Variants in SRGAP1 observed in about 807,000 individuals in gnomAD.
SRGAP1 encodes SLIT-ROBO Rho GTPase-activating protein 1.
Under a neutral mutation model 121.9 loss-of-function variants are expected in SRGAP1, and 43 were observed. The ratio of observed to expected loss-of-function variants is 0.35; its 90% CI spans 0.28 to 0.46. SRGAP1 has a LOEUF of 0.46. SRGAP1 is among the 20% of genes least tolerant of loss of function. The pLI, the probability that SRGAP1 is intolerant of heterozygous loss-of-function variation, is 1.00. For missense variants in SRGAP1, 1,102 were observed against 1,350.9 expected (o/e 0.82, Z 2.89); for synonymous variants, 447 against 485.4 (o/e 0.92, Z 1.04).
chr12:63,890,942 G>A (rs1461338773), intron 1 of SRGAP1, among the ~76,000 whole-genome samples: 1 of 152,152 alleles, frequency 6.6e-6, no homozygotes, highest in African/African-American at 2.4e-5. Flanking sequence ...CACATCTCTG[G>A]TAGCCTTTTC....
At chr12:63,979,241 T>C (rs1407977824) in intron 1 of SRGAP1, among the ~76,000 whole-genome samples, 2 of 152,096 alleles carry the variant, frequency 1.3e-5, no homozygotes, top group South Asian at 4.2e-4. Context: ...GGTTTCACCA[T>C]GTTGTCCAGG....
intron 1 of SRGAP1, among the ~76,000 whole-genome samples, chr12:63,897,336 A>G (rs954868707): frequency 3.9e-5 from 6 of 152,198 alleles, no homozygotes; most frequent in Admixed American, 1.3e-4. Flanking sequence ...TGTGCAGCCA[A>G]ATTTAGGCTT....
chr12:63,874,832 A>T (rs1480722017), intron 1 of SRGAP1, among the ~76,000 whole-genome samples: 5 of 152,138 alleles, frequency 3.3e-5, no homozygotes, highest in Non-Finnish European at 2.9e-5. Flanking sequence ...AAATATTTTT[A>T]AAAACTCACT....
rs117677374 is a variant in SRGAP1 at position 63,923,523 on chromosome 12, C to T, written c.68-60424C>T. ...GTTTGAGATTATAGCTACATCAGTA[C>T]ATAATTAAGATGATATTTAATAGAT... On this transcript the variant is annotated intron_variant, in intron 1 of 21. Transcript: ENST00000355086. Among the ~76,000 whole-genome samples the T allele has an allele frequency of 2.0e-5, 3 of 152,248 alleles. No individual in the cohort carries two copies. In the East Asian group the frequency reaches 5.8e-4, roughly 29 times the overall value.
At position 64,069,028 on chromosome 12, in the gene SRGAP1, G is replaced by GTA. The variant is rs1270753480; in HGVS notation, c.1125+3818_1125+3819dup. Among the ~76,000 whole-genome samples, 20 of 149,092 alleles carry GTA rather than the reference G, an allele frequency of 1.3e-4. No homozygotes were observed. In the South Asian group the frequency reaches 2.8e-3, roughly 21 times the overall value. On this transcript the variant is annotated intron_variant, in intron 8 of 21. Transcript: ENST00000355086. The stretch of plus-strand genomic sequence containing the variant: ...CTGTCTCAAAAAAAAAAAAATGTGT[G>GTA]TATATATATACATATTATAAATATA...
Position 64,148,273 on chromosome 12 carries a change from T to TTTTC in SRGAP1, c.*5605_*5608dup, listed in dbSNP as rs2037082439. ...CTTAGAACTCCCCGTGTATTGGTAT[T>TTTTC]TTTCTTTACTTTTTTTTTTTTTTTT... is the stretch of plus-strand genomic sequence containing the variant. On this transcript the variant is annotated 3_prime_UTR_variant, in exon 22 of 22. Transcript: ENST00000355086. 7.0e-6 allele frequency: 1 copy of TTTTC among 142,834 alleles called. No individual in the cohort carries two copies. The highest frequency in any genetic ancestry group is 1.5e-5 in the Non-Finnish European group (1 of 66,748). 8.8% of individuals were successfully genotyped at this position (142,834 alleles called of 1,614,324 possible). A position where few individuals can be genotyped will look rare whatever the true frequency, so the allele number is the denominator to read the frequency against.
At chr12:64,082,452 CTTT>C (rs371020186) in intron 10 of SRGAP1, among the ~76,000 whole-genome samples, 1 of 139,390 alleles carries the variant, frequency 7.2e-6, no homozygotes. Context: ...CCAGAATTTT[CTTT>C]TTTTTTTTTT....
At chr12:63,884,371 T>A (rs1404443974) in intron 1 of SRGAP1, among the ~76,000 whole-genome samples, 1 of 152,192 alleles carries the variant, frequency 6.6e-6, no homozygotes, top group Non-Finnish European at 1.5e-5. Context: ...CTACATTGTT[T>A]GAGTAGATTT....
intron 1 of SRGAP1, among the ~76,000 whole-genome samples, chr12:63,948,493 C>G (rs114567719): frequency 3.3e-5 from 5 of 152,258 alleles, no homozygotes; most frequent in African/African-American, 1.2e-4. Context: ...ATATCCCATT[C>G]CTACCTTTCT....
At chr12:63,907,365 CAT>C (rs937199869) in intron 1 of SRGAP1, among the ~76,000 whole-genome samples, 9 of 151,940 alleles carry the variant, frequency 5.9e-5, no homozygotes, top group Non-Finnish European at 1.0e-4. Context: ...AGTGAAACCC[CAT>C]CTCTACTAAA....
At chr12:64,107,697 G>A (rs73321324) in intron 15 of SRGAP1, among the ~76,000 whole-genome samples, 1,899 of 152,224 alleles carry the variant, frequency 0.012, 37 homozygotes, top group African/African-American at 0.043. Context: ...GGTGTCAGAG[G>A]CTATGGACTG....
intron 8 of SRGAP1, among the ~76,000 whole-genome samples, chr12:64,074,943 A>T (rs1331384882): frequency 6.6e-6 from 1 of 152,094 alleles, no homozygotes; most frequent in Non-Finnish European, 1.5e-5. Flanking sequence ...TCATTTTCAC[A>T]ATTTTATGAA....
intron 21 of SRGAP1, among the ~76,000 whole-genome samples, chr12:64,140,288 G>T (rs951689029): frequency 6.8e-6 from 1 of 147,306 alleles, no homozygotes; most frequent in Non-Finnish European, 1.5e-5. Context: ...GAAAGTCATT[G>T]GTAGCTTGAT....
chr12:64,022,028 C>G (rs117168828), intron 4 of SRGAP1, among the ~76,000 whole-genome samples: 1 of 152,298 alleles, frequency 6.6e-6, no homozygotes, highest in East Asian at 1.9e-4. Flanking sequence ...ACTGCACTGG[C>G]AGTCAGCAAG....
rs772135884 is a variant in SRGAP1 at position 64,097,310 on chromosome 12, A to G, written c.1748A>G (p.Tyr583Cys). The G allele has an allele frequency of 5.0e-6, 8 of 1,612,012 alleles. No individual in the cohort carries two copies. The highest frequency in any genetic ancestry group is 6.8e-6 in the Non-Finnish European group (8 of 1,179,666). ...INSVAGVLKL[Y>C]FRGLENPLFP... is the part of the protein sequence containing the mutation. ...TCAGTTGCTGGCGTTCTGAAGCTCT[A>G]TTTCCGTGGGCTGGAAAACCCCCTC... The change falls in exon 15 of 22, where the codon TAT becomes TGT. Residue 583 changes from tyrosine to cysteine, a missense_variant. Physicochemically the swap from Tyr to Cys is radical, Grantham distance 194. Around this residue, in one of 3 missense-constraint regions of SRGAP1, gnomAD observed 747 missense variants for 929.4 expected, o/e 0.80. Coordinates refer to ENST00000355086, the MANE Select transcript of SRGAP1 (RefSeq NM_020762.4).
At chr12:64,042,488 AT>A (rs2035045392) in intron 4 of SRGAP1, among the ~76,000 whole-genome samples, 1 of 152,160 alleles carries the variant, frequency 6.6e-6, no homozygotes, top group African/African-American at 2.4e-5. Flanking sequence ...TTTTACAGAA[AT>A]ACTTTTAAGC....
chr12:63,967,968 A>G (rs1592990801), intron 1 of SRGAP1, among the ~76,000 whole-genome samples: 1 of 152,228 alleles, frequency 6.6e-6, no homozygotes, highest in South Asian at 2.1e-4. Flanking sequence ...AAACTGTTCT[A>G]GTATTTTCAA....
rs74694401 is a variant in SRGAP1, at chr12:64,029,176, G to A, written c.489+12164G>A. The stretch of plus-strand genomic sequence containing the variant: ...TTTCCGGGTCGCTGCCAGCAAGTAC[G>A]GAGAGAGGAGCTATGACTTTAAGGT... On this transcript the variant is annotated intron_variant, in intron 4 of 21. Transcript: ENST00000355086. 4.6e-4 allele frequency among the ~76,000 whole-genome samples: 70 copies of A among 152,228 alleles called. No homozygotes were observed. The East Asian group carries it at 0.013, about 29-fold the overall frequency.
intron 3 of SRGAP1, among the ~76,000 whole-genome samples, chr12:64,016,373 G>A (rs2034401925): frequency 6.6e-6 from 1 of 152,144 alleles, no homozygotes; most frequent in African/African-American, 2.4e-5. Flanking sequence ...TGTAGTCTCA[G>A]CTATTCGGGA....
Sources: allele counts gnomAD v4.1 joint callset (sites outside exome capture counted in the v4.1 genomes callset), GRCh38; gene constraint gnomAD v4.1.1; regional missense constraint gnomAD v4.1.1; transcripts MANE v1.5; gene names NCBI Gene and HGNC (gene_info 2026-07-23, HGNC 2026-07-21).